Variants in PI4KA observed in about 807,000 individuals in gnomAD.
The protein encoded by PI4KA is phosphatidylinositol 4-kinase alpha, also known as PI4-kinase alpha.
Under a neutral mutation model 271.4 loss-of-function variants are expected in PI4KA, and 122 were observed. The observed-to-expected ratio is 0.45, with a 90% CI of 0.39 to 0.52. The LOEUF is 0.52. PI4KA is among the 20% of genes least tolerant of loss of function. The pLI is 0.00. For missense variants in PI4KA, 1,969 were observed against 2,769.1 expected, an observed-to-expected ratio of 0.71 and a Z score of 6.48; for synonymous variants, 1,041 against 1,078.8, an observed-to-expected ratio of 0.96 and a Z score of 0.69.
chr22:20,854,877 C>G (rs112842696), intron 1 of PI4KA, among the ~76,000 whole-genome samples: 1 of 152,182 alleles, frequency 6.6e-6, no homozygotes, highest in East Asian at 1.9e-4. Flanking sequence ...CTTGGCCGGG[C>G]GTGGTGGCTC....
chr22:20,818,513 G>C lies in PI4KA; in HGVS notation c.826C>G (p.Pro276Ala), dbSNP rs1244582201. Residue 276 changes from proline (P) to alanine (A), a missense_variant, in exon 7 of 55, where the codon CCT becomes GCT. Pro to Ala is a conservative substitution (Grantham distance 27, BLOSUM62 -1). Transcript: ENST00000255882. Reference protein sequence around the residue: ...PERGMPPPSSPGGSAFHYFEA... With the variant: ...PERGMPPPSSAGGSAFHYFEA... Reference sequence around the variant, plus strand: ...AAGTAGTGAAAGGCAGATCCTCCAGGGGAACTGGGAGGGGGCATGCCGCGT... The same window carrying C: ...AAGTAGTGAAAGGCAGATCCTCCAGCGGAACTGGGAGGGGGCATGCCGCGT... The C allele has an allele frequency of 2.5e-6, 4 of 1,570,182 alleles. No individual in the cohort carries two copies. The highest frequency in any genetic ancestry group is 2.6e-6 in the Non-Finnish European group (3 of 1,163,530).
intron 1 of PI4KA, among the ~76,000 whole-genome samples, chr22:20,854,269 C>T (rs145532203): frequency 4.1e-4 from 63 of 151,822 alleles, no homozygotes; most frequent in African/African-American, 1.5e-3. Flanking sequence ...TACAGGCGTC[C>T]GCCACCACGC....
At chr22:20,711,008 G>A in intron 51 of PI4KA, 150 bp from the exon 52 acceptor site, 1 of 728,498 alleles carries the variant, frequency 1.4e-6, no homozygotes, top group South Asian at 1.6e-5. Context: ...GACAGTGATG[G>A]GGTGGGTGGT....
chr22:20,775,061 G>A (rs1048079384), intron 19 of PI4KA, among the ~76,000 whole-genome samples: 2 of 152,040 alleles, frequency 1.3e-5, no homozygotes, highest in Admixed American at 1.3e-4. Flanking sequence ...CTCCCATTCT[G>A]CCTGCTCTGT....
chr22:20,819,948 G>T, intron 5 of PI4KA, 48 bp from the exon 6 acceptor site: 2 of 1,490,972 alleles, frequency 1.3e-6, no homozygotes. Context: ...TATCCTGATA[G>T]AGTCATATAG....
intron 19 of PI4KA, among the ~76,000 whole-genome samples, chr22:20,766,793 C>G (rs1002771910): frequency 6.6e-6 from 1 of 152,082 alleles, no homozygotes; most frequent in Admixed American, 6.6e-5. Context: ...TTTGCTACCC[C>G]CAAACACTTA....
Position 20,733,961 on chromosome 22 carries a change from C to T in PI4KA, c.4052+82G>A, listed in dbSNP as rs570383888. 4,213 of 1,523,032 alleles carry T rather than the reference C, an allele frequency of 2.8e-3. 14 individuals are homozygous for T. Among genetic ancestry groups the T allele is most frequent in the Middle Eastern group, 3.6e-3 (15 of 4,184 alleles). The allele number at this position is 1,523,032 out of a possible 1,614,324, so 94.3% of individuals were successfully genotyped here. ...CTCACTGAAATGTGTTCCCCGTCTA[C>T]AGAAGTACCGTGATACACAGACGCC... On this transcript the variant is annotated intron_variant, in intron 34 of 54. Coordinates refer to ENST00000255882, the MANE Select transcript of PI4KA (RefSeq NM_058004.4).
intron 42 of PI4KA, among the ~76,000 whole-genome samples, chr22:20,723,828 A>G (rs1204525122): frequency 1.3e-5 from 2 of 151,030 alleles, no homozygotes; most frequent in Non-Finnish European, 3.0e-5. Flanking sequence ...CTCTATCTCA[A>G]TAAATAAATA....
intron 32 of PI4KA, among the ~76,000 whole-genome samples, chr22:20,738,508 A>G (rs1928998883): frequency 6.6e-6 from 1 of 152,208 alleles, no homozygotes; most frequent in Non-Finnish European, 1.5e-5. Flanking sequence ...TCCCACGCTG[A>G]GATGCGAACA....
At chr22:20,791,504 C>G (rs1460104031) in intron 19 of PI4KA, among the ~76,000 whole-genome samples, 1 of 152,100 alleles carries the variant, frequency 6.6e-6, no homozygotes, top group Non-Finnish European at 1.5e-5. Context: ...GCCTGTAATC[C>G]CAGCACTAAG....
chr22:20,712,823 C>T lies in PI4KA; in HGVS notation c.5572-26G>A, dbSNP rs371012496. 3.2e-4 allele frequency: 498 copies of T among 1,550,500 alleles called. 3 individuals carry two copies. In the African/African-American group the frequency reaches 5.8e-3, roughly 18 times the overall value. On this transcript the variant is annotated intron_variant, in intron 48 of 54. Coordinates refer to ENST00000255882, the MANE Select transcript of PI4KA (RefSeq NM_058004.4). ...CTGGGAAGCCGGGAGGCGCAGGATG[C>T]GGTCAGTTGGCGTCCTTGCACCCCA...
rs542243703 is a variant in PI4KA at position 20,799,011 on chromosome 22, CT to C, written c.2004+81del. On this transcript the variant is annotated intron_variant, in intron 16 of 54. Coordinates refer to ENST00000255882, the MANE Select transcript of PI4KA (RefSeq NM_058004.4). ...AGCTCATCTGCAAGGTATATTTAAT[CT>C]GTATTTGTACATCCCTTATAGTCAA... The C allele has an allele frequency of 3.7e-4, 413 of 1,130,614 alleles. 3 individuals are homozygous for C. In the African/African-American group the frequency reaches 5.7e-3, roughly 16 times the overall value. 70.0% of individuals were successfully genotyped at this position (1,130,614 alleles called of 1,614,324 possible).
chr22:20,717,310 C>T (rs5996661), intron 45 of PI4KA, among the ~76,000 whole-genome samples: 3,947 of 152,228 alleles, frequency 0.026, 163 homozygotes, highest in African/African-American at 0.091. Flanking sequence ...CCCATGGAGG[C>T]GGTGGGGGGG....
intron 7 of PI4KA, among the ~76,000 whole-genome samples, chr22:20,817,356 A>G (rs1921943804): frequency 2.6e-5 from 4 of 152,138 alleles, no homozygotes; most frequent in Admixed American, 2.6e-4. Flanking sequence ...TAATTTTAAC[A>G]TGTGTCTGAC....
Position 20,805,724 on chromosome 22 carries a change from C to T in PI4KA, c.1169-559G>A, listed in dbSNP as rs1417134803. Among the ~76,000 whole-genome samples, 26 of 150,174 alleles carry T rather than the reference C, an allele frequency of 1.7e-4. No homozygotes were observed. In the East Asian group the frequency reaches 3.9e-3, roughly 23 times the overall value. On this transcript the variant is annotated intron_variant, in intron 10 of 54. Coordinates refer to ENST00000255882, the MANE Select transcript of PI4KA (RefSeq NM_058004.4). ...GTGGGCGCCTGTAGTCCCAGCTACT[C>T]GGGAGGCTGAGGCAGGAGAATGGCG...
intron 41 of PI4KA, 146 bp from the exon 42 acceptor site, chr22:20,726,687 T>A: frequency 1.4e-6 from 1 of 696,204 alleles, no homozygotes; most frequent in South Asian, 1.9e-5. Context: ...AAATGACCGA[T>A]GGCTCAGAAC....
intron 19 of PI4KA, among the ~76,000 whole-genome samples, chr22:20,769,200 T>A (rs1932767453): frequency 6.6e-6 from 1 of 152,214 alleles, no homozygotes; most frequent in African/African-American, 2.4e-5. Flanking sequence ...GGACTCTATC[T>A]TTGATTTGGG....
intron 11 of PI4KA, among the ~76,000 whole-genome samples, chr22:20,804,729 G>C (rs192789943): frequency 6.6e-6 from 1 of 152,350 alleles, no homozygotes; most frequent in East Asian, 1.9e-4. Flanking sequence ...AGCATACACA[G>C]GCCCTGAGGC....
intron 42 of PI4KA, among the ~76,000 whole-genome samples, chr22:20,725,124 A>G (rs1927195351): frequency 6.6e-6 from 1 of 152,206 alleles, no homozygotes; most frequent in Non-Finnish European, 1.5e-5. Flanking sequence ...ACACCCAGCC[A>G]TGTAACTCAG....
Sources: allele counts gnomAD v4.1 joint callset (sites outside exome capture counted in the v4.1 genomes callset), GRCh38; gene constraint gnomAD v4.1.1; transcripts MANE v1.5; gene names NCBI Gene and HGNC (gene_info 2026-07-23, HGNC 2026-07-21).